The following NPHP4 variants were observed in gnomAD, a reference collection of about 807,000 sequenced individuals.
NPHP4 encodes the protein nephrocystin 4, also known as nephrocystin-4.
A neutral mutation model predicts 155.8 loss-of-function variants in NPHP4; 151 were observed. That is an observed-to-expected ratio of 0.97 (90% CI 0.85 to 1.11). The LOEUF (loss-of-function observed/expected upper bound fraction) is 1.11, where lower values mean the gene tolerates loss of function less well. NPHP4 is among the 50% of genes least tolerant of loss of function. The probability of loss-of-function intolerance (pLI) is 0.00; values close to 1 mark genes in which losing one functional copy is unlikely to be tolerated. For synonymous variants in NPHP4, 845 were observed against 816.8 expected, an observed-to-expected ratio of 1.03 and a Z score of -0.59; for missense variants, 1,956 against 1,925.7, an observed-to-expected ratio of 1.02 and a Z score of -0.29.
intron 11 of NPHP4, among the ~76,000 whole-genome samples, chr1:5,924,476 G>A (rs114263096): frequency 0.015 from 2,304 of 152,008 alleles, 59 homozygotes; most frequent in African/African-American, 0.053. Context: ...TCCTCCAAAC[G>A]CCTCATGAAA....
At position 5,913,293 on chromosome 1, in the gene NPHP4, T is replaced by G. The variant is rs189720214; in HGVS notation, c.1442-4080A>C. Among the ~76,000 whole-genome samples, 285 of 152,092 alleles carry G rather than the reference T, an allele frequency of 1.9e-3. 7 individuals are homozygous for G. The highest frequency in any genetic ancestry group is 0.017 in the Admixed American group (253 of 15,296). On this transcript the variant is annotated intron_variant, in intron 11 of 29. Coordinates refer to ENST00000378156, the MANE Select transcript of NPHP4 (RefSeq NM_015102.5). Reference sequence around the variant, plus strand: ...AGATCTGAGAAGAGCAGGAAGAGACTAAGTCACTGGTTTCCCAGGACACCA... The same window carrying G: ...AGATCTGAGAAGAGCAGGAAGAGACGAAGTCACTGGTTTCCCAGGACACCA...
In NPHP4 at chr1:5,965,690, A is replaced by G. The variant is rs559785235; in HGVS notation, c.517+1609T>C. 6.6e-5 allele frequency among the ~76,000 whole-genome samples: 10 copies of G among 152,222 alleles called. No individual in the cohort carries two copies. The East Asian group carries it at 1.9e-3, about 29-fold the overall frequency. On this transcript the variant is annotated intron_variant, in intron 5 of 29. Transcript: ENST00000378156. Reference sequence around the variant, plus strand: ...GACAGGCCTCCACATGCCCCGGCCCATGCTAACCACCGTTAGCCTTTCTTC... The same window carrying G: ...GACAGGCCTCCACATGCCCCGGCCCGTGCTAACCACCGTTAGCCTTTCTTC...
chr1:5,987,413 T>C (rs1240495940), intron 1 of NPHP4, among the ~76,000 whole-genome samples: 2 of 151,672 alleles, frequency 1.3e-5, no homozygotes, highest in Non-Finnish European at 2.9e-5. Context: ...CTCTACAAGG[T>C]CAAAACTATT....
Position 5,907,172 on chromosome 1 carries a change from G to A in NPHP4, c.1554C>T (p.Cys518=), listed in dbSNP as rs1367235573. The A allele has an allele frequency of 1.9e-6, 3 of 1,591,056 alleles. No homozygotes were observed. Among genetic ancestry groups the A allele is most frequent in the Non-Finnish European group, 2.6e-6 (3 of 1,168,306 alleles). Residue 518 remains cysteine (C), a synonymous_variant, in exon 13 of 30, where the codon TGC becomes TGT. Transcript: ENST00000378156. Reference sequence around the variant, plus strand: ...GTAGCTGTGAAGTAGGCCTGGCCAAGCAGTGCTGAGTCGGGGACCGCGGGG... The same window carrying A: ...GTAGCTGTGAAGTAGGCCTGGCCAAACAGTGCTGAGTCGGGGACCGCGGGG... The part of the protein sequence containing the change: ...AASPRSPTQH[C]LARPTSQLPH...
chr1:5,948,200 G>A lies in NPHP4; in HGVS notation c.862C>T (p.Arg288Cys), dbSNP rs372256352. The change falls in exon 8 of 30, where the codon CGT becomes TGT. Residue 288 changes from arginine to cysteine, a missense_variant. Transcript: ENST00000378156. Reference sequence around the variant, plus strand: ...CCCAGACCATTGTGCACGCCCACACGCAGGCGCCGCTCCAGGATCTCCAGG... The same window carrying A: ...CCCAGACCATTGTGCACGCCCACACACAGGCGCCGCTCCAGGATCTCCAGG... ...GALEILERRL[R>C]VGVHNGLGFV... 41 of 1,605,394 alleles carry A rather than the reference G, an allele frequency of 2.6e-5. No individual in the cohort carries two copies. The highest frequency in any genetic ancestry group is 7.8e-5 in the South Asian group (7 of 89,954).
intron 8 of NPHP4, 144 bp from the exon 9 acceptor site, chr1:5,947,374 A>G: frequency 5.2e-6 from 4 of 768,184 alleles, no homozygotes; most frequent in Middle Eastern, 3.9e-4. Flanking sequence ...ACCATGTAAC[A>G]CTGCACGCTC....
rs772023605 is a variant in NPHP4 at position 5,961,912 on chromosome 1, C to A, written c.555G>T (p.Leu185=). The A allele has an allele frequency of 6.2e-7, 1 of 1,611,694 alleles. No homozygotes were observed. Among genetic ancestry groups the A allele is most frequent in the Non-Finnish European group, 8.5e-7 (1 of 1,177,972 alleles). The change falls in exon 6 of 30, where the codon CTG becomes CTT. Residue 185 remains leucine (L), a synonymous_variant. Transcript: ENST00000378156. ...RHMTLIENCS[L]QYTLKPHPAL... ...CCGGGTGTGGCTTCAGCGTGTACTG[C>A]AGGCTGCAGTTCTCAATGAGGGTCA...
At chr1:5,873,417 A>ACCCAGCTGGTGGCT in intron 22 of NPHP4, 82 bp from the exon 23 acceptor site, 1 of 1,135,316 alleles carries the variant, frequency 8.8e-7, no homozygotes, top group Non-Finnish European at 1.3e-6. Context: ...CACCACTGCC[A>ACCCAGCTGGTGGCT]CCCAGCTGGG....
At chr1:5,920,485 A>G (rs1645688488) in intron 11 of NPHP4, among the ~76,000 whole-genome samples, 1 of 152,122 alleles carries the variant, frequency 6.6e-6, no homozygotes, top group Non-Finnish European at 1.5e-5. Context: ...GGGTACGTAC[A>G]TGTGGTCGCT....
rs1646989555 is a variant in NPHP4, at chr1:5,944,576, C to T, written c.1119+2528G>A. Among the ~76,000 whole-genome samples, 1 of 152,250 alleles carries T rather than the reference C, an allele frequency of 6.6e-6. No individual in the cohort carries two copies. Among genetic ancestry groups the T allele is most frequent in the African/African-American group, 2.4e-5 (1 of 41,470 alleles). On this transcript the variant is annotated intron_variant, in intron 9 of 29. Coordinates refer to ENST00000378156, the MANE Select transcript of NPHP4 (RefSeq NM_015102.5). This position sits in a 1 kb window ranked among gnomAD's most constrained non-coding sequence, Gnocchi z 4.3. The stretch of plus-strand genomic sequence containing the variant: ...TTTGTGTGGAAGGTCATTTCACACA[C>T]TGCAACATTTCCATTCCAGATTTCA...
At chr1:5,945,879 G>A (rs796639277) in intron 9 of NPHP4, among the ~76,000 whole-genome samples, 52 of 151,860 alleles carry the variant, frequency 3.4e-4, no homozygotes, top group African/African-American at 1.2e-3. Flanking sequence ...GCCACTCTGA[G>A]CAGTGTGATT....
Position 5,894,173 on chromosome 1 carries a change from C to T in NPHP4, c.2144-3145G>A, listed in dbSNP as rs376915127. ...ACCTGGTTGGCTTGCCACCCACAGG[C>T]CACAAAAAACTGCACTCCATAAAGT... On this transcript the variant is annotated intron_variant, in intron 16 of 29. Transcript: ENST00000378156. Among the ~76,000 whole-genome samples, 11 of 152,230 alleles carry T rather than the reference C, an allele frequency of 7.2e-5. No individual in the cohort carries two copies. The East Asian group carries it at 1.5e-3, about 21-fold the overall frequency.
intron 7 of NPHP4, among the ~76,000 whole-genome samples, chr1:5,952,435 C>A (rs374550898): frequency 1.1e-4 from 16 of 152,212 alleles, no homozygotes; most frequent in African/African-American, 3.1e-4. Context: ...CTGTGGGGGC[C>A]TTGGCTGTGG....
Position 5,864,472 on chromosome 1 carries a change from C to A in NPHP4, c.3862G>T (p.Asp1288Tyr). The change falls in exon 28 of 30, where the codon GAC becomes TAC. Residue 1288 changes from aspartate (D) to tyrosine (Y), a missense_variant. By Grantham distance (160) the Asp-to-Tyr change is radical. Transcript: ENST00000378156. ...AGGGGCCTCACGCCAACATGCAGGT[C>A]CTGCACCCCACGAGGCGGCAGCACG... is the stretch of plus-strand genomic sequence containing the variant. ...VFVLPPRGVQ[D>Y]LHVGVRPLRA... 1.2e-6 allele frequency: 2 copies of A among 1,602,000 alleles called. No individual in the cohort carries two copies. Among genetic ancestry groups the A allele is most frequent in the Non-Finnish European group, 1.7e-6 (2 of 1,174,074 alleles).
rs180721913 is a variant in NPHP4, at chr1:5,875,089, G to A, written c.2829C>T (p.Ser943=). 8.7e-6 allele frequency: 14 copies of A among 1,601,998 alleles called. No individual in the cohort carries two copies. Among genetic ancestry groups the A allele is most frequent in the Middle Eastern group, 1.7e-4 (1 of 5,990 alleles). ...GGTCCCGCAAGTGCTGTGTGCGGAC[G>A]CTCTGCTGCGCCTGCAGACAAGAGG... is the stretch of plus-strand genomic sequence containing the variant. ...RRGTSVLAQQ[S]VRTQHLRDLQ... is the part of the protein sequence containing the mutation. The change falls in exon 21 of 30, where the codon AGC becomes AGT. Residue 943 remains serine (S), a synonymous_variant. Coordinates refer to ENST00000378156, the MANE Select transcript of NPHP4 (RefSeq NM_015102.5).
chr1:5,937,147 C>T (rs559526835), intron 9 of NPHP4, among the ~76,000 whole-genome samples: 5 of 152,146 alleles, frequency 3.3e-5, no homozygotes, highest in East Asian at 3.9e-4. Flanking sequence ...GGAAGGAGCT[C>T]GGCCCGCCAC....
At chr1:5,912,552 A>G (rs1168683015) in intron 11 of NPHP4, among the ~76,000 whole-genome samples, 4 of 100,756 alleles carry the variant, frequency 4.0e-5, no homozygotes, top group Non-Finnish European at 8.3e-5. Flanking sequence ...AAAAAAAAAA[A>G]AAAGAAAAAA....
At position 5,877,225 on chromosome 1, in the gene NPHP4, G is replaced by A; in HGVS notation, c.2685C>T (p.Ala895=). 6.2e-7 allele frequency: 1 copy of A among 1,608,674 alleles called. No individual in the cohort carries two copies. The highest frequency in any genetic ancestry group is 8.5e-7 in the Non-Finnish European group (1 of 1,176,952). The part of the protein sequence containing the change: ...SELAAMLLTH[A]RQGKGPQDVS... Reference sequence around the variant, plus strand: ...CGTCCTGGGGCCCCTTGCCCTGCCGGGCATGGGTCAGTAGCATGGCAGCCA... The same window carrying A: ...CGTCCTGGGGCCCCTTGCCCTGCCGAGCATGGGTCAGTAGCATGGCAGCCA... The change falls in exon 20 of 30, where the codon GCC becomes GCT. Residue 895 remains alanine (A), a synonymous_variant. Transcript: ENST00000378156.
intron 16 of NPHP4, among the ~76,000 whole-genome samples, chr1:5,893,446 T>C (rs1302852819): frequency 6.6e-6 from 1 of 152,200 alleles, no homozygotes; most frequent in African/African-American, 2.4e-5. Flanking sequence ...CTTTCCTGCC[T>C]GGCAGCCCAG....
Sources: gnomAD v4.1 joint callset for allele counts (sites outside exome capture counted in the v4.1 genomes callset) on GRCh38, gnomAD v4.1.1 for gene constraint, Gnocchi (gnomAD v3.1) non-coding constraint, MANE v1.5 for transcripts, NCBI Gene and HGNC (gene_info 2026-07-23, HGNC 2026-07-21) for gene names.